CCDC112: variants seen among roughly 807,000 people sequenced by gnomAD.
CCDC112 encodes coiled-coil domain-containing protein 112.
A neutral mutation model predicts 66.3 loss-of-function variants in CCDC112; 40 were observed. The ratio of observed to expected loss-of-function variants is 0.60; its 90% confidence interval spans 0.47 to 0.79. The LOEUF (loss-of-function observed/expected upper bound fraction) is 0.79. Ranked by LOEUF, CCDC112 falls within the 30% of genes least tolerant of loss-of-function variation. CCDC112 has a pLI of 0.00. For synonymous variants in CCDC112, 214 were observed against 197.2 expected (o/e 1.09, Z -0.71); for missense variants, 659 against 603.8 (o/e 1.09, Z -0.96).
In CCDC112 at chr5:115,296,005, C is replaced by T. The variant is rs571392896; in HGVS notation, c.117+422G>A. ...ATTGTCTTTCTCCTTGTGTTCCCAGCGCCGGTACAGTAACAGAGCTGCCAC... is the reference window on the plus strand; with the variant it reads ...ATTGTCTTTCTCCTTGTGTTCCCAGTGCCGGTACAGTAACAGAGCTGCCAC... On this transcript the variant is annotated intron_variant, in intron 1 of 9. Coordinates refer to ENST00000379611, the MANE Select transcript of CCDC112 (RefSeq NM_001040440.3). The T allele has an allele frequency of 8.1e-6, 8 of 989,714 alleles. No individual in the cohort carries two copies. The African/African-American group carries it at 1.0e-4, about 13-fold the overall frequency. The allele number at this position is 989,714 out of a possible 1,614,324, so 61.3% of individuals were successfully genotyped here.
intron 1 of CCDC112, among the ~76,000 whole-genome samples, chr5:115,286,241 C>T (rs763515005): frequency 2.6e-5 from 4 of 152,158 alleles, no homozygotes; most frequent in Non-Finnish European, 4.4e-5. Flanking sequence ...CATTAATCTA[C>T]TTTCTGACTC....
At chr5:115,278,515 A>C (rs1321913854) in intron 3 of CCDC112, among the ~76,000 whole-genome samples, 1 of 152,114 alleles carries the variant, frequency 6.6e-6, no homozygotes, top group African/African-American at 2.4e-5. Flanking sequence ...TATAGAACAA[A>C]GTGAAATAGA....
intron 1 of CCDC112, among the ~76,000 whole-genome samples, chr5:115,290,729 T>C (rs1360175612): frequency 6.6e-6 from 1 of 152,212 alleles, no homozygotes; most frequent in Non-Finnish European, 1.5e-5. Context: ...TGTATTTTAA[T>C]CTTTGTGATA....
intron 2 of CCDC112, among the ~76,000 whole-genome samples, chr5:115,282,031 G>A (rs1329151406): frequency 6.6e-6 from 1 of 152,050 alleles, no homozygotes; most frequent in African/African-American, 2.4e-5. Flanking sequence ...AACAAATAAT[G>A]TTGACCTATG....
chr5:115,274,345 T>C (rs1749116234), intron 6 of CCDC112, among the ~76,000 whole-genome samples: 1 of 152,218 alleles, frequency 6.6e-6, no homozygotes, highest in South Asian at 2.1e-4. Context: ...CCTGATCTAA[T>C]GCAAAGCCAG....
chr5:115,284,435 G>A (rs949375624), intron 2 of CCDC112, among the ~76,000 whole-genome samples: 3 of 151,922 alleles, frequency 2.0e-5, no homozygotes, highest in African/African-American at 7.3e-5. Context: ...ACACAAAAAC[G>A]ATTCACTTCC....
At chr5:115,285,739 C>A (rs1183478866) in intron 1 of CCDC112, among the ~76,000 whole-genome samples, 2 of 152,018 alleles carry the variant, frequency 1.3e-5, no homozygotes, top group Admixed American at 1.3e-4. Flanking sequence ...GAACAATTTT[C>A]TGGCTATTTT....
rs200075094 is a variant in CCDC112 at position 115,276,959 on chromosome 5, A to C, written c.451+6T>G. Reference sequence around the variant, plus strand: ...AAGAAAGATTATAATATCTAAATTTACTTACAATCAGGTGTAGGCTTCACA... The same window carrying C: ...AAGAAAGATTATAATATCTAAATTTCCTTACAATCAGGTGTAGGCTTCACA... On this transcript the variant is annotated splice_donor_region_variant and intron_variant, in intron 4 of 9. Coordinates refer to ENST00000379611, the MANE Select transcript of CCDC112 (RefSeq NM_001040440.3). The C allele has an allele frequency of 1.8e-5, 27 of 1,524,064 alleles. No homozygotes were observed. In the African/African-American group the frequency reaches 2.9e-4, roughly 16 times the overall value. The allele number at this position is 1,524,064 out of a possible 1,614,324, so 94.4% of individuals were successfully genotyped here.
chr5:115,271,711 T>G, intron 6 of CCDC112, 85 bp from the exon 7 acceptor site: 1 of 874,614 alleles, frequency 1.1e-6, no homozygotes, highest in Non-Finnish European at 1.7e-6. Flanking sequence ...AATTCCATCT[T>G]TCTAGAAAGA....
At chr5:115,278,850 T>C (rs1749321039) in intron 3 of CCDC112, among the ~76,000 whole-genome samples, 1 of 152,198 alleles carries the variant, frequency 6.6e-6, no homozygotes. Flanking sequence ...GGGAGTATCA[T>C]GAGCAGTCTC....
chr5:115,277,015 T>A lies in CCDC112; in HGVS notation c.401A>T (p.Asn134Ile), dbSNP rs755781819. The change falls in exon 4 of 10, where the codon AAT (asparagine) becomes ATT (isoleucine). Residue 134 changes from asparagine (N) to isoleucine (I), a missense_variant. By Grantham distance (149) the Asn-to-Ile change is moderately radical. Transcript: ENST00000379611. ...IQQQLAKIHNNVKKLQHQLKD... is the reference protein window; with the variant it reads ...IQQQLAKIHNIVKKLQHQLKD... Reference sequence around the variant, plus strand: ...TAATTGATGCTGAAGTTTCTTTACATTATTATGTATTTTGGCCAATTGTTG... The same window carrying A: ...TAATTGATGCTGAAGTTTCTTTACAATATTATGTATTTTGGCCAATTGTTG... 5.6e-6 allele frequency: 9 copies of A among 1,610,240 alleles called. No individual in the cohort carries two copies. The highest frequency in any genetic ancestry group is 7.6e-6 in the Non-Finnish European group (9 of 1,177,478).
chr5:115,271,085 C>G, intron 7 of CCDC112, 128 bp downstream of exon 7: 1 of 778,064 alleles, frequency 1.3e-6, no homozygotes, highest in Non-Finnish European at 2.0e-6. Context: ...GCACGGCTTA[C>G]TCATTTTGGT....
At chr5:115,270,384 A>T (rs1748947071) in intron 7 of CCDC112, among the ~76,000 whole-genome samples, 1 of 152,038 alleles carries the variant, frequency 6.6e-6, no homozygotes, top group African/African-American at 2.4e-5. Flanking sequence ...TCTCATTTGC[A>T]CCCTTTTTCA....
At chr5:115,293,081 G>C (rs186585185) in intron 1 of CCDC112, among the ~76,000 whole-genome samples, 12 of 152,164 alleles carry the variant, frequency 7.9e-5, no homozygotes, top group African/African-American at 2.9e-4. Context: ...AGGACATTAC[G>C]CTAAGTGAAA....
intron 7 of CCDC112, 35 bp from the exon 8 acceptor site, chr5:115,269,833 T>C (rs1200592391): frequency 5.3e-6 from 7 of 1,324,594 alleles, no homozygotes; most frequent in Non-Finnish European, 7.2e-6. Flanking sequence ...TAAGAAAGCA[T>C]GTGAACTAGA....
chr5:115,267,814 T>A lies in CCDC112; in HGVS notation c.*62A>T. The A allele has an allele frequency of 7.8e-7, 1 of 1,281,316 alleles. No individual in the cohort carries two copies. The highest frequency in any genetic ancestry group is 1.2e-5 in the South Asian group (1 of 83,884). 79.4% of individuals were successfully genotyped at this position (1,281,316 alleles called of 1,614,324 possible). On this transcript the variant is annotated 3_prime_UTR_variant, in exon 10 of 10. Coordinates refer to ENST00000379611, the MANE Select transcript of CCDC112 (RefSeq NM_001040440.3). ...ATATTTAAAGAATGTGGTTAGTCAC[T>A]CTCTCCCTGGTATAACTTAGTATGT...
intron 1 of CCDC112, among the ~76,000 whole-genome samples, chr5:115,295,588 C>A (rs1750115589): frequency 6.6e-6 from 1 of 152,094 alleles, no homozygotes. Context: ...TATTGATCCA[C>A]AAATTATTTA....
In CCDC112 at chr5:115,279,696, A is replaced by C. The variant is rs774402431; in HGVS notation, c.312T>G (p.Ser104Arg). 1.2e-6 allele frequency: 2 copies of C among 1,609,428 alleles called. No homozygotes were observed. The highest frequency in any genetic ancestry group is 2.7e-5 in the African/African-American group (2 of 74,968). The change falls in exon 3 of 10, where the codon AGT (serine) becomes AGG (arginine). Residue 104 changes from serine (S) to arginine (R), a missense_variant. Transcript: ENST00000379611. ...NQKSDFRIEH[S>R]MLEELENKLI... ...ATTTATTTTCCAATTCTTCTAGCAT[A>C]CTATGCTCAATTCTGAAGTCACTTT... is the stretch of plus-strand genomic sequence containing the variant.
chr5:115,279,258 T>TATA (rs1749340474), intron 3 of CCDC112, among the ~76,000 whole-genome samples: 1 of 152,162 alleles, frequency 6.6e-6, no homozygotes, highest in Non-Finnish European at 1.5e-5. Context: ...TGTTGATGCT[T>TATA]ACTGAGTCCA....
Sources: gnomAD v4.1 joint callset for allele counts (sites outside exome capture counted in the v4.1 genomes callset) on GRCh38, gnomAD v4.1.1 for gene constraint, MANE v1.5 for transcripts, NCBI Gene and HGNC (gene_info 2026-07-23, HGNC 2026-07-21) for gene names.